FBXL17: variants seen among roughly 807,000 people sequenced by gnomAD.
FBXL17 encodes the protein F-box and leucine rich repeat protein 17, also known as F-box/LRR-repeat protein 17.
In FBXL17, 22 loss-of-function variants were observed where a neutral mutation model predicts 66.2. The ratio of observed to expected loss-of-function variants is 0.33; its 90% CI spans 0.24 to 0.47. The LOEUF is 0.47. Ranked by LOEUF, FBXL17 falls within the 20% of genes least tolerant of loss-of-function variation. The probability of loss-of-function intolerance (pLI) is 1.00; values close to 1 mark genes in which losing one functional copy is unlikely to be tolerated. For synonymous variants in FBXL17, 474 were observed against 400.5 expected, an observed-to-expected ratio of 1.18 and a Z score of -2.19; for missense variants, 878 against 948.2, an observed-to-expected ratio of 0.93 and a Z score of 0.97.
chr5:108,262,089 T>TA (rs1344991172), intron 4 of FBXL17, among the ~76,000 whole-genome samples: 90 of 149,424 alleles, frequency 6.0e-4, no homozygotes, highest in African/African-American at 2.2e-3. Context: ...TTTATTTATT[T>TA]TTTTTGAGAC....
At chr5:108,337,053 C>T (rs1360410971) in intron 4 of FBXL17, among the ~76,000 whole-genome samples, 1 of 151,814 alleles carries the variant, frequency 6.6e-6, no homozygotes, top group African/African-American at 2.4e-5. Context: ...GTCAAGAGAT[C>T]GAGACCATCC....
At position 108,263,545 on chromosome 5, in the gene FBXL17, C is replaced by T. The variant is rs116527762; in HGVS notation, c.1507-39317G>A. ...TATTTACTTTCCCTAAACTTTATTA[C>T]ATTTTTACTTTCACTAATCTCTATT... On this transcript the variant is annotated intron_variant, in intron 4 of 8. Coordinates refer to ENST00000542267, the MANE Select transcript of FBXL17 (RefSeq NM_001163315.3). 4.1e-3 allele frequency among the ~76,000 whole-genome samples: 629 copies of T among 152,270 alleles called. 4 individuals are homozygous for T. Among genetic ancestry groups the T allele is most frequent in the African/African-American group, 0.015 (612 of 41,558 alleles).
chr5:107,885,020 T>C (rs1321758644), intron 7 of FBXL17, among the ~76,000 whole-genome samples: 1 of 152,210 alleles, frequency 6.6e-6, no homozygotes, highest in Non-Finnish European at 1.5e-5. Context: ...AACTGCCTAC[T>C]CTCTATCAGT....
intron 6 of FBXL17, among the ~76,000 whole-genome samples, chr5:108,046,284 G>T (rs769666436): frequency 6.6e-6 from 1 of 152,000 alleles, no homozygotes; most frequent in Non-Finnish European, 1.5e-5. Context: ...TTCTATGTTT[G>T]CATGATATAT....
intron 6 of FBXL17, among the ~76,000 whole-genome samples, chr5:108,064,862 G>A (rs2112851131): frequency 6.6e-6 from 1 of 152,224 alleles, no homozygotes; most frequent in African/African-American, 2.4e-5. Flanking sequence ...TCTCATCTGG[G>A]ACGGCCTTCC....
intron 6 of FBXL17, among the ~76,000 whole-genome samples, chr5:108,175,166 G>A (rs1752752968): frequency 1.3e-5 from 2 of 152,156 alleles, no homozygotes; most frequent in Non-Finnish European, 2.9e-5. Flanking sequence ...CTCCCAACAC[G>A]AATGTATTAA....
chr5:107,870,589 AC>A (rs923741450), intron 8 of FBXL17, among the ~76,000 whole-genome samples: 5 of 149,410 alleles, frequency 3.3e-5, no homozygotes, highest in African/African-American at 7.4e-5. Context: ...GGTATTTAAT[AC>A]CTTTTTTTTT....
intron 6 of FBXL17, among the ~76,000 whole-genome samples, chr5:108,089,717 A>C (rs1454945067): frequency 6.6e-6 from 1 of 152,214 alleles, no homozygotes; most frequent in Non-Finnish European, 1.5e-5. Flanking sequence ...TTTGTTCACC[A>C]TTATAACTGA....
chr5:108,373,370 A>AATAT (rs1749193075), intron 1 of FBXL17, among the ~76,000 whole-genome samples: 1 of 132,670 alleles, frequency 7.5e-6, no homozygotes, highest in Non-Finnish European at 1.6e-5. Context: ...ATATTAATAT[A>AATAT]AATATATATC....
At chr5:108,301,236 G>A (rs1469282230) in intron 4 of FBXL17, among the ~76,000 whole-genome samples, 3 of 151,420 alleles carry the variant, frequency 2.0e-5, no homozygotes, top group African/African-American at 7.3e-5. Context: ...TAAGATAGAG[G>A]GGACACATAT....
intron 6 of FBXL17, among the ~76,000 whole-genome samples, chr5:108,180,474 C>CA (rs773780636): frequency 1.3e-5 from 2 of 151,654 alleles, no homozygotes. Context: ...CCACTGCACT[C>CA]CAGCCTGGGC....
chr5:108,305,691 A>T (rs1758804876), intron 4 of FBXL17, among the ~76,000 whole-genome samples: 2 of 152,146 alleles, frequency 1.3e-5, no homozygotes, highest in African/African-American at 4.8e-5. Context: ...AGTTTTGGGC[A>T]TGCTCAGTTT....
chr5:108,249,220 T>C (rs543810607), intron 4 of FBXL17, among the ~76,000 whole-genome samples: 38 of 152,200 alleles, frequency 2.5e-4, no homozygotes, highest in Admixed American at 3.3e-4. Flanking sequence ...TCTAACCCTC[T>C]GACCCTGCAA....
At chr5:108,020,773 T>C (rs903622640) in intron 7 of FBXL17, 152 bp downstream of exon 7, 1 of 550,916 alleles carries the variant, frequency 1.8e-6, no homozygotes, top group Non-Finnish European at 3.2e-6. Context: ...AGCTCATAAT[T>C]TTTTTATTTT....
chr5:108,047,873 T>C (rs577880924), intron 6 of FBXL17, among the ~76,000 whole-genome samples: 2 of 152,294 alleles, frequency 1.3e-5, no homozygotes, highest in East Asian at 3.9e-4. Flanking sequence ...CTAATAGTTC[T>C]GAGGAATCCA....
At chr5:108,176,546 C>T (rs1385214305) in intron 6 of FBXL17, among the ~76,000 whole-genome samples, 1 of 152,016 alleles carries the variant, frequency 6.6e-6, no homozygotes, top group Admixed American at 6.5e-5. Flanking sequence ...TTCTATTAGA[C>T]AAAATAATGT....
chr5:108,362,014 A>G (rs1170403151), intron 3 of FBXL17, among the ~76,000 whole-genome samples: 6 of 152,142 alleles, frequency 3.9e-5, no homozygotes, highest in Non-Finnish European at 1.5e-5. Flanking sequence ...TTTCTTGTCT[A>G]GCATTCCTTT....
At chr5:107,957,732 A>C (rs1006291610) in intron 7 of FBXL17, among the ~76,000 whole-genome samples, 1 of 152,244 alleles carries the variant, frequency 6.6e-6, no homozygotes, top group African/African-American at 2.4e-5. Context: ...AGAAAAAGTA[A>C]GCACTTTCAA....
chr5:108,208,308 T>C (rs1754215801), intron 5 of FBXL17, among the ~76,000 whole-genome samples: 1 of 152,212 alleles, frequency 6.6e-6, no homozygotes, highest in South Asian at 2.1e-4. Flanking sequence ...AGAAGCTCTT[T>C]AGTTTAATTA....
Sources: gnomAD v4.1 joint callset for allele counts (sites outside exome capture counted in the v4.1 genomes callset) on GRCh38, gnomAD v4.1.1 for gene constraint, MANE v1.5 for transcripts, NCBI Gene and HGNC (gene_info 2026-07-23, HGNC 2026-07-21) for gene names.